Variants in EPHA7 observed in about 807,000 individuals in gnomAD.
EPHA7 encodes ephrin type-A receptor 7.
EPHA7 carries 25 observed loss-of-function variants against 112.6 expected under a neutral mutation model. The ratio of observed to expected loss-of-function variants is 0.22; its 90% CI spans 0.16 to 0.31. The LOEUF is 0.31. Ranked by LOEUF, EPHA7 falls within the 10% of genes least tolerant of loss-of-function variation. The pLI is 1.00. For missense variants in EPHA7, 962 were observed against 1,212.6 expected (o/e 0.79, Z 3.07); for synonymous variants, 437 against 406.5 (o/e 1.07, Z -0.90).
chr6:93,267,961 A>G (rs747669499), intron 7 of EPHA7, among the ~76,000 whole-genome samples: 3 of 151,728 alleles, frequency 2.0e-5, no homozygotes, highest in Non-Finnish European at 4.4e-5. Flanking sequence ...GTATCTTATT[A>G]TATCTGAATT....
At chr6:93,387,991 G>C (rs929660105) in intron 3 of EPHA7, among the ~76,000 whole-genome samples, 1 of 151,706 alleles carries the variant, frequency 6.6e-6, no homozygotes, top group Admixed American at 6.6e-5. Flanking sequence ...TAGATAGATA[G>C]ACACAGAGAC....
At chr6:93,401,034 G>A (rs980149704) in intron 3 of EPHA7, among the ~76,000 whole-genome samples, 1 of 151,972 alleles carries the variant, frequency 6.6e-6, no homozygotes, top group African/African-American at 2.4e-5. Context: ...CAGTGTTAAT[G>A]GGTTCAGGGT....
At chr6:93,309,076 G>C (rs1483648554) in intron 5 of EPHA7, among the ~76,000 whole-genome samples, 1 of 152,020 alleles carries the variant, frequency 6.6e-6, no homozygotes, top group Non-Finnish European at 1.5e-5. Flanking sequence ...AGCCTCCTGA[G>C]TAGCTGGGAT....
intron 5 of EPHA7, among the ~76,000 whole-genome samples, chr6:93,319,542 T>C (rs1773967633): frequency 6.6e-6 from 1 of 152,142 alleles, no homozygotes; most frequent in South Asian, 2.1e-4. Flanking sequence ...CCTGGCAGAC[T>C]TCTACTCTTG....
intron 3 of EPHA7, among the ~76,000 whole-genome samples, chr6:93,399,741 T>C (rs1005936511): frequency 1.3e-5 from 2 of 150,860 alleles, no homozygotes; most frequent in African/African-American, 2.4e-5. Flanking sequence ...TCTGTGGTTG[T>C]GTGTGTGTAT....
intron 5 of EPHA7, among the ~76,000 whole-genome samples, chr6:93,345,650 T>A (rs976420212): frequency 7.2e-5 from 11 of 151,752 alleles, no homozygotes; most frequent in Admixed American, 2.0e-4. Flanking sequence ...GGAACCAAAG[T>A]CATAAAAACA....
chr6:93,414,497 GT>G (rs933878985), intron 2 of EPHA7, among the ~76,000 whole-genome samples: 2 of 141,126 alleles, frequency 1.4e-5, no homozygotes, highest in African/African-American at 3.2e-5. Context: ...TGGCTATGAG[GT>G]TTTTTTTCCA....
intron 5 of EPHA7, among the ~76,000 whole-genome samples, chr6:93,351,770 T>C (rs2127938130): frequency 6.6e-6 from 1 of 152,178 alleles, no homozygotes; most frequent in Non-Finnish European, 1.5e-5. Flanking sequence ...TTTCAAAAAG[T>C]ACCAGGAACA....
intron 9 of EPHA7, among the ~76,000 whole-genome samples, chr6:93,261,139 T>C (rs1437469849): frequency 6.6e-6 from 1 of 151,516 alleles, no homozygotes; most frequent in Admixed American, 6.6e-5. Flanking sequence ...TTTGAAGACA[T>C]TGTTAGAAGA....
intron 5 of EPHA7, among the ~76,000 whole-genome samples, chr6:93,295,457 C>T (rs914708865): frequency 2.6e-5 from 4 of 151,382 alleles, no homozygotes; most frequent in South Asian, 2.1e-4. Flanking sequence ...CTCTGTCTTA[C>T]GGTTTTGTGG....
intron 5 of EPHA7, among the ~76,000 whole-genome samples, chr6:93,287,392 C>A (rs1275884528): frequency 6.6e-6 from 1 of 152,032 alleles, no homozygotes. Flanking sequence ...TAAGGTTACT[C>A]ACACTGAAGT....
At chr6:93,356,636 AAACT>A (rs1175398049) in intron 5 of EPHA7, 77 bp downstream of exon 5, 3 of 1,294,502 alleles carry the variant, frequency 2.3e-6, no homozygotes, top group East Asian at 2.3e-5. Context: ...CTGTGCAGAG[AAACT>A]AACTAAATGT....
chr6:93,259,337 A>T lies in EPHA7; in HGVS notation c.1924+17T>A, dbSNP rs377106771. 13 of 1,610,062 alleles carry T rather than the reference A, an allele frequency of 8.1e-6. No homozygotes were observed. In the African/African-American group the frequency reaches 1.5e-4, roughly 18 times the overall value. On this transcript the variant is annotated intron_variant, in intron 10 of 16. Coordinates refer to ENST00000369303, the MANE Select transcript of EPHA7 (RefSeq NM_004440.4). ...GCTAAATGGAACAGCTGAACGAGGAAGCTACAATAGCCTTACCTGCACCAA... is the reference window on the plus strand; with the variant it reads ...GCTAAATGGAACAGCTGAACGAGGATGCTACAATAGCCTTACCTGCACCAA...
chr6:93,254,878 C>T, intron 13 of EPHA7, 82 bp from the exon 14 acceptor site: 10 of 1,211,514 alleles, frequency 8.3e-6, no homozygotes, highest in Non-Finnish European at 1.1e-5. Flanking sequence ...TACATATGTG[C>T]ATTTTTGGTT....
intron 5 of EPHA7, among the ~76,000 whole-genome samples, chr6:93,355,222 C>T (rs1329418351): frequency 6.6e-6 from 1 of 152,036 alleles, no homozygotes; most frequent in Non-Finnish European, 1.5e-5. Flanking sequence ...ATTTACATTT[C>T]TATGTTTTAC....
chr6:93,417,090 C>G (rs1314078594), intron 1 of EPHA7, among the ~76,000 whole-genome samples: 2 of 152,104 alleles, frequency 1.3e-5, no homozygotes, highest in Non-Finnish European at 2.9e-5. Flanking sequence ...GCGGCATTTA[C>G]GGAGAGAAAA....
rs146738343 is a variant in EPHA7, at chr6:93,377,354, T to A, written c.833-18943A>T. 3.3e-5 allele frequency among the ~76,000 whole-genome samples: 5 copies of A among 152,270 alleles called. No individual in the cohort carries two copies. In the South Asian group the frequency reaches 6.2e-4, roughly 19 times the overall value. On this transcript the variant is annotated intron_variant, in intron 3 of 16. Coordinates refer to ENST00000369303, the MANE Select transcript of EPHA7 (RefSeq NM_004440.4). ...AGGTATGTCCTTGTAATAGAGCCCA[T>A]CCTAACTAAACAAAATAAATAATGG...
At chr6:93,318,080 A>G (rs1254671372) in intron 5 of EPHA7, among the ~76,000 whole-genome samples, 3 of 152,216 alleles carry the variant, frequency 2.0e-5, no homozygotes, top group Non-Finnish European at 4.4e-5. Context: ...AAAAGAAAAA[A>G]TGTACTTATA....
chr6:93,419,430 T>C lies in EPHA7; in HGVS notation c.-89A>G. 1 of 1,053,606 alleles carries C rather than the reference T, an allele frequency of 9.5e-7. No homozygotes were observed. The highest frequency in any genetic ancestry group is 2.6e-5 in the East Asian group (1 of 39,126). 65.3% of individuals were successfully genotyped at this position (1,053,606 alleles called of 1,614,324 possible). A position where few individuals can be genotyped will look rare whatever the true frequency, so the allele number is the denominator to read the frequency against. ...TTGTTCCGAAGTAGCTTTTGTTTTA[T>C]TGTGCTCCTTGCATCGATTCCCCTT... On this transcript the variant is annotated 5_prime_UTR_variant, in exon 1 of 17. Transcript: ENST00000369303.
Sources: allele counts gnomAD v4.1 joint callset (sites outside exome capture counted in the v4.1 genomes callset), GRCh38; gene constraint gnomAD v4.1.1; transcripts MANE v1.5; gene names NCBI Gene and HGNC (gene_info 2026-07-23, HGNC 2026-07-21).